Variants in MCOLN3 observed in about 807,000 individuals in gnomAD.
MCOLN3 encodes mucolipin-3.
MCOLN3 carries 62 observed loss-of-function variants against 69.4 expected under a neutral mutation model. That is an observed-to-expected ratio of 0.89 (90% CI 0.73 to 1.10). MCOLN3 has a LOEUF of 1.10. Ranked by LOEUF, MCOLN3 falls within the 50% of genes least tolerant of loss-of-function variation. The pLI, the probability that MCOLN3 is intolerant of heterozygous loss-of-function variation, is 0.00. For missense variants in MCOLN3, 564 were observed against 656.4 expected (o/e 0.86, Z 1.54); for synonymous variants, 183 against 217.0 (o/e 0.84, Z 1.38).
rs1288090993 is a variant in MCOLN3 at position 85,032,875 on chromosome 1, T to G, written c.632A>C (p.His211Pro). The G allele has an allele frequency of 6.2e-7, 1 of 1,614,076 alleles. No individual in the cohort carries two copies. The highest frequency in any genetic ancestry group is 1.3e-5 in the African/African-American group (1 of 74,940). ...CACTCCTGTCTGCTCCCCTCACCTG[T>G]GGAAGTCCAGTGTTAAGTTCAGTTT... is the stretch of plus-strand genomic sequence containing the variant. ...ENKLNLTLDFHRLLTVELQFK... is the reference protein window; with the variant it reads ...ENKLNLTLDFPRLLTVELQFK... Residue 211 changes from histidine (H) to proline (P), a missense_variant, in exon 5 of 13, where the codon CAC becomes CCC. Physicochemically the swap from His to Pro is moderately conservative, Grantham distance 77. Transcript: ENST00000370589.
chr1:85,046,313 G>T (rs2102948163), intron 1 of MCOLN3, among the ~76,000 whole-genome samples: 1 of 152,084 alleles, frequency 6.6e-6, no homozygotes, highest in Admixed American at 6.5e-5. Context: ...ATTTGGGGGG[G>T]GGGGCAGGTA....
chr1:85,041,782 A>G lies in MCOLN3; in HGVS notation c.229-605T>C, dbSNP rs375761608. On this transcript the variant is annotated intron_variant, in intron 2 of 12. Coordinates refer to ENST00000370589, the MANE Select transcript of MCOLN3 (RefSeq NM_018298.11). ...CTACTCAGGAGGCTGAGGCAGGAGA[A>G]TTGCTTGAACCCGGGAGGCAGAGGT... Among the ~76,000 whole-genome samples the G allele has an allele frequency of 2.9e-4, 41 of 139,908 alleles. 1 individual carries two copies. In the Middle Eastern group the frequency reaches 0.015, roughly 51 times the overall value. 91.8% of individuals were successfully genotyped at this position (139,908 alleles called of 152,430 possible).
intron 7 of MCOLN3, among the ~76,000 whole-genome samples, chr1:85,028,232 T>G (rs1652318448): frequency 6.6e-6 from 1 of 152,220 alleles, no homozygotes; most frequent in African/African-American, 2.4e-5. Context: ...AAATTTCATT[T>G]TATTTACTCT....
rs74708384 is a variant in MCOLN3, at chr1:85,021,549, C to T, written c.1321-273G>A. On this transcript the variant is annotated intron_variant, in intron 11 of 12. Coordinates refer to ENST00000370589, the MANE Select transcript of MCOLN3 (RefSeq NM_018298.11). ...CCCTCAGTGCTTTTTTGAATCAAGC[C>T]TTGCATCTGCCCTTTACCTTAAAGA... Among the ~76,000 whole-genome samples, 261 of 152,334 alleles carry T rather than the reference C, an allele frequency of 1.7e-3. 8 individuals are homozygous for T. The East Asian group carries it at 0.046, about 27-fold the overall frequency.
chr1:85,030,711 AG>A (rs1412535420), intron 6 of MCOLN3, among the ~76,000 whole-genome samples: 3 of 152,234 alleles, frequency 2.0e-5, no homozygotes, highest in African/African-American at 7.2e-5. Flanking sequence ...TAAGAGATAA[AG>A]GAAAAATTTA....
intron 3 of MCOLN3, among the ~76,000 whole-genome samples, chr1:85,036,352 C>T (rs944809120): frequency 2.6e-5 from 4 of 152,042 alleles, no homozygotes; most frequent in Non-Finnish European, 5.9e-5. Flanking sequence ...CTACCACACC[C>T]GGCTAATTTT....
intron 4 of MCOLN3, among the ~76,000 whole-genome samples, chr1:85,033,652 G>C (rs894652899): frequency 6.6e-6 from 1 of 152,132 alleles, no homozygotes; most frequent in Non-Finnish European, 1.5e-5. Flanking sequence ...ATAGTGAAGT[G>C]GTATTGGGGC....
At position 85,039,790 on chromosome 1, in the gene MCOLN3, A is replaced by T. The variant is rs184122686; in HGVS notation, c.396+1220T>A. Among the ~76,000 whole-genome samples, 845 of 151,628 alleles carry T rather than the reference A, an allele frequency of 5.6e-3. 5 individuals are homozygous for T. Among genetic ancestry groups the T allele is most frequent in the African/African-American group, 0.018 (734 of 41,308 alleles). On this transcript the variant is annotated intron_variant, in intron 3 of 12. Coordinates refer to ENST00000370589, the MANE Select transcript of MCOLN3 (RefSeq NM_018298.11). ...GGGAGACCCTGTCTCTATAAAAAAA[A>T]TTTTTTTTTAATTAGCCAAGCATGG...
intron 7 of MCOLN3, among the ~76,000 whole-genome samples, chr1:85,027,024 G>A (rs1380479155): frequency 1.3e-5 from 2 of 151,940 alleles, no homozygotes; most frequent in Non-Finnish European, 2.9e-5. Flanking sequence ...AAAGTGCTGA[G>A]ATTACAGACA....
At chr1:85,021,418 A>T in intron 11 of MCOLN3, 142 bp from the exon 12 acceptor site, 1 of 665,386 alleles carries the variant, frequency 1.5e-6, no homozygotes, top group South Asian at 2.0e-5. Flanking sequence ...GTAACCACAC[A>T]CATTTGCTTT....
chr1:85,043,926 G>C (rs1384065900), intron 2 of MCOLN3, among the ~76,000 whole-genome samples: 1 of 150,130 alleles, frequency 6.7e-6, no homozygotes, highest in Admixed American at 6.7e-5. Context: ...GCTTATTTTT[G>C]TATGTTTTAC....
In MCOLN3 at chr1:85,018,982, A is replaced by C. The variant is rs897707151; in HGVS notation, c.*141T>G. 1.2e-5 allele frequency: 9 copies of C among 726,034 alleles called. No homozygotes were observed. The African/African-American group carries it at 1.7e-4, about 13-fold the overall frequency. 45.0% of individuals were successfully genotyped at this position (726,034 alleles called of 1,614,324 possible). On this transcript the variant is annotated 3_prime_UTR_variant, in exon 13 of 13. Transcript: ENST00000370589. ...ATTAAATATTGCTTTTAAAAATATA[A>C]ACAGTTATTGGTGAATTATAGGTCT...
chr1:85,044,461 A>T (rs1012142738), intron 2 of MCOLN3, among the ~76,000 whole-genome samples: 3 of 152,232 alleles, frequency 2.0e-5, no homozygotes, highest in African/African-American at 7.2e-5. Context: ...TTTTAGCAAG[A>T]GATAATTTGA....
chr1:85,048,113 G>C (rs1393317529), intron 1 of MCOLN3, among the ~76,000 whole-genome samples: 1 of 152,210 alleles, frequency 6.6e-6, no homozygotes, highest in Non-Finnish European at 1.5e-5. Flanking sequence ...CGGCGGCCTG[G>C]AGGGGGACCG....
chr1:85,020,035 A>G (rs767204958), intron 12 of MCOLN3, among the ~76,000 whole-genome samples: 6 of 152,202 alleles, frequency 3.9e-5, no homozygotes, highest in Non-Finnish European at 8.8e-5. Flanking sequence ...AACCCATGTT[A>G]TCCTTAGAGC....
In MCOLN3 at chr1:85,022,345, A is replaced by G; in HGVS notation, c.1151T>C (p.Val384Ala). 1 of 1,613,934 alleles carries G rather than the reference A, an allele frequency of 6.2e-7. No homozygotes were observed. The highest frequency in any genetic ancestry group is 8.5e-7 in the Non-Finnish European group (1 of 1,179,846). The change falls in exon 10 of 13, where the codon GTG (valine) becomes GCG (alanine). Residue 384 changes from valine to alanine, a missense_variant. Val to Ala is a moderately conservative substitution (Grantham distance 64). Transcript: ENST00000370589. ...SILLGTSTML[V>A]WLGVIRYLGF... ...GAGGTATCGGATGACTCCAAGCCAC[A>G]CGAGCATGGTAGAAGTCCCAAGAAG...
intron 7 of MCOLN3, among the ~76,000 whole-genome samples, chr1:85,026,791 A>G (rs949178025): frequency 3.3e-5 from 5 of 151,146 alleles, no homozygotes; most frequent in African/African-American, 1.2e-4. Flanking sequence ...CACAACTATC[A>G]TTCCAAGATC....
In MCOLN3 at chr1:85,025,395, G is replaced by T. The variant is rs1041617299; in HGVS notation, c.1095+544C>A. 31 of 152,004 alleles carry T rather than the reference G, an allele frequency of 2.0e-4. 1 individual carries two copies. The highest frequency in any genetic ancestry group is 1.6e-3 in the Admixed American group (24 of 15,256). The allele number at this position is 152,004 out of a possible 1,614,324, so 9.4% of individuals were successfully genotyped here. A position where few individuals can be genotyped will look rare whatever the true frequency, so the allele number is the denominator to read the frequency against. ...TGATTTTTATTTTGTGGGGACAGTT[G>T]ATTTTTAGGCTAGGTTAGTCTTAAA... On this transcript the variant is annotated intron_variant, in intron 9 of 12. Coordinates refer to ENST00000370589, the MANE Select transcript of MCOLN3 (RefSeq NM_018298.11).
At chr1:85,029,053 C>T in intron 7 of MCOLN3, 53 bp downstream of exon 7, 7 of 1,183,092 alleles carry the variant, frequency 5.9e-6, no homozygotes, top group Middle Eastern at 4.1e-4. Flanking sequence ...TTTTAATAAC[C>T]ATTTTACATT....
Sources: gnomAD v4.1 joint callset for allele counts (sites outside exome capture counted in the v4.1 genomes callset) on GRCh38, gnomAD v4.1.1 for gene constraint, MANE v1.5 for transcripts, NCBI Gene and HGNC (gene_info 2026-07-23, HGNC 2026-07-21) for gene names.